The following SAYSD1 variants were observed in gnomAD, a reference collection of about 807,000 sequenced individuals.
The protein encoded by SAYSD1 is SAYSvFN domain-containing protein 1.
SAYSD1 carries 15 observed loss-of-function variants against 14.5 expected under a neutral mutation model. The ratio of observed to expected loss-of-function variants is 1.03; its 90% CI spans 0.69 to 1.59. SAYSD1 has a LOEUF of 1.59. Among genes scored for constraint, SAYSD1 ranks in the 40% most tolerant of loss-of-function variants. The pLI is 0.00. For missense variants in SAYSD1, 247 were observed against 227.3 expected (o/e 1.09, Z -0.56); for synonymous variants, 105 against 102.6 (o/e 1.02, Z -0.14).
At position 39,115,107 on chromosome 6, in the gene SAYSD1, C is replaced by A; in HGVS notation, c.-18G>T. On this transcript the variant is annotated 5_prime_UTR_variant, in exon 1 of 2. Coordinates refer to ENST00000229903, the MANE Select transcript of SAYSD1 (RefSeq NM_018322.3). ...TGTTCCATGGCGCGCGCCTCGCGTC[C>A]GTTGGCCGATAAGGGAGCGCGCGCC... 3.1e-6 allele frequency: 5 copies of A among 1,594,042 alleles called. No individual in the cohort carries two copies. The highest frequency in any genetic ancestry group is 4.3e-6 in the Non-Finnish European group (5 of 1,174,562).
At chr6:39,113,176 C>G (rs772371731) in intron 1 of SAYSD1, 2 of 152,018 alleles carry the variant, frequency 1.3e-5, no homozygotes, top group Non-Finnish European at 2.9e-5. Flanking sequence ...TAGAGACGTT[C>G]TAAAGTTGCA....
Position 39,115,144 on chromosome 6 carries a change from C to T in SAYSD1, c.-55G>A, listed in dbSNP as rs1769724674. 6.7e-7 allele frequency: 1 copy of T among 1,497,768 alleles called. No homozygotes were observed. Among genetic ancestry groups the T allele is most frequent in the Non-Finnish European group, 8.9e-7 (1 of 1,125,100 alleles). The allele number at this position is 1,497,768 out of a possible 1,614,324, so 92.8% of individuals were successfully genotyped here. A position where few individuals can be genotyped will look rare whatever the true frequency, so the allele number is the denominator to read the frequency against. On this transcript the variant is annotated 5_prime_UTR_variant, in exon 1 of 2. The change creates a new upstream start codon in the 5' untranslated region. Coordinates refer to ENST00000229903, the MANE Select transcript of SAYSD1 (RefSeq NM_018322.3). Reference sequence around the variant, plus strand: ...AGGGAGCGCGCGCCCGCAGGCCGCACAGCAGTTGCCTCCGCTCGGCCCGCG... The same window carrying T: ...AGGGAGCGCGCGCCCGCAGGCCGCATAGCAGTTGCCTCCGCTCGGCCCGCG...
At chr6:39,113,671 T>C (rs987384027) in intron 1 of SAYSD1, 1 of 152,586 alleles carries the variant, frequency 6.6e-6, no homozygotes, top group African/African-American at 2.4e-5. Context: ...CCTTTGGAAA[T>C]GAGACATACA....
intron 1 of SAYSD1, chr6:39,109,575 A>T (rs1442584211): frequency 1.4e-6 from 2 of 1,415,210 alleles, no homozygotes; most frequent in African/African-American, 1.4e-5. Context: ...TGATGGCCAA[A>T]GAGTATTCTT....
At chr6:39,109,915 T>C (rs1416968399) in intron 1 of SAYSD1, among the ~76,000 whole-genome samples, 1 of 152,202 alleles carries the variant, frequency 6.6e-6, no homozygotes, top group Non-Finnish European at 1.5e-5. Flanking sequence ...TTTCATTACA[T>C]TTTTCTGGAT....
chr6:39,111,587 A>G (rs909046213), intron 1 of SAYSD1: 3 of 152,242 alleles, frequency 2.0e-5, no homozygotes, highest in African/African-American at 4.8e-5. Flanking sequence ...TTTAGAGATG[A>G]ACCTGATGAC....
chr6:39,112,510 GA>G (rs1428700183), intron 1 of SAYSD1: 4 of 152,824 alleles, frequency 2.6e-5, no homozygotes, highest in Non-Finnish European at 5.9e-5. Context: ...TGATATTTCT[GA>G]ACTAAAAGAT....
intron 1 of SAYSD1, 141 bp from the exon 2 acceptor site, chr6:39,105,917 A>G (rs1583665500): frequency 6.9e-6 from 5 of 725,938 alleles, no homozygotes; most frequent in Non-Finnish European, 1.1e-5. Flanking sequence ...ACTCTCTAAA[A>G]CAATCATCTC....
In SAYSD1 at chr6:39,105,539, T is replaced by C. The variant is rs749647155; in HGVS notation, c.445A>G (p.Lys149Glu). The C allele has an allele frequency of 1.2e-6, 2 of 1,614,214 alleles. No homozygotes were observed. The highest frequency in any genetic ancestry group is 1.7e-5 in the Admixed American group (1 of 60,026). Residue 149 changes from lysine (K) to glutamate (E), a missense_variant, in exon 2 of 2, where the codon AAG becomes GAG. Transcript: ENST00000229903. The part of the protein sequence containing the change: ...RGPEEKKEGE[K>E]SAYSVFNPGC... ...GGATTGAACACAGAGTAGGCGCTCTTCTCTCCCTCTTTCTTCTCTTCAGGG... is the reference window on the plus strand; with the variant it reads ...GGATTGAACACAGAGTAGGCGCTCTCCTCTCCCTCTTTCTTCTCTTCAGGG...
At chr6:39,113,105 G>A (rs183466) in intron 1 of SAYSD1, 52,262 of 152,074 alleles carry the variant, frequency 0.34, 12,199 homozygotes, top group African/African-American at 0.64. Context: ...ACATTTGTGC[G>A]GGGCTGGGGT....
At chr6:39,107,289 A>G (rs1365097676) in intron 1 of SAYSD1, among the ~76,000 whole-genome samples, 1 of 152,156 alleles carries the variant, frequency 6.6e-6, no homozygotes, top group Non-Finnish European at 1.5e-5. Context: ...AGCACCGTTC[A>G]TGAACTGTCA....
chr6:39,110,087 T>A (rs1239284787), intron 1 of SAYSD1, among the ~76,000 whole-genome samples: 1 of 152,218 alleles, frequency 6.6e-6, no homozygotes, highest in Non-Finnish European at 1.5e-5. Context: ...CATCCCTTCA[T>A]CAAGGGATGA....
chr6:39,110,811 T>C (rs909688805), intron 1 of SAYSD1: 6 of 152,108 alleles, frequency 3.9e-5, no homozygotes, highest in Admixed American at 3.3e-4. Flanking sequence ...TTCAACAAAA[T>C]ATTGTCTTTA....
chr6:39,107,433 C>T (rs1448119370), intron 1 of SAYSD1, among the ~76,000 whole-genome samples: 1 of 151,180 alleles, frequency 6.6e-6, no homozygotes, highest in East Asian at 1.9e-4. Context: ...ATGTATGATG[C>T]CAGATTGTTT....
At chr6:39,114,806 AC>A (rs1184275750) in intron 1 of SAYSD1, 76 bp downstream of exon 1, 3 of 1,463,970 alleles carry the variant, frequency 2.0e-6, no homozygotes, top group African/African-American at 1.4e-5. Context: ...CTAGGGCCAC[AC>A]CCCCGGCAGC....
At chr6:39,106,240 TAAAA>T (rs201449716) in intron 1 of SAYSD1, among the ~76,000 whole-genome samples, 1 of 148,860 alleles carries the variant, frequency 6.7e-6, no homozygotes, top group African/African-American at 2.5e-5. Flanking sequence ...TTTTTACGTT[TAAAA>T]AAAAAAATCA....
At chr6:39,114,784 C>T in intron 1 of SAYSD1, 99 bp downstream of exon 1, 2 of 1,242,016 alleles carry the variant, frequency 1.6e-6, no homozygotes, top group Non-Finnish European at 2.3e-6. Context: ...CCAGTAGCCC[C>T]GCCTCCGGCA....
intron 1 of SAYSD1, chr6:39,109,346 TCA>T: frequency 6.4e-7 from 1 of 1,551,060 alleles, no homozygotes. Flanking sequence ...AAGAAGCTCG[TCA>T]CAGAATTATT....
At chr6:39,110,801 T>C (rs1278365896) in intron 1 of SAYSD1, 2 of 152,160 alleles carry the variant, frequency 1.3e-5, no homozygotes, top group African/African-American at 4.8e-5. Flanking sequence ...AGCATTCTTC[T>C]TCAACAAAAT....
Sources: gnomAD v4.1 joint callset for allele counts (sites outside exome capture counted in the v4.1 genomes callset) on GRCh38, gnomAD v4.1.1 for gene constraint, MANE v1.5 for transcripts, NCBI Gene and HGNC (gene_info 2026-07-23, HGNC 2026-07-21) for gene names.